PUS7L: variants seen among roughly 807,000 people sequenced by gnomAD.
The protein encoded by PUS7L is pseudouridine synthase 7 like.
In PUS7L, 49 loss-of-function variants were observed where a neutral mutation model predicts 51.1. The ratio of observed to expected loss-of-function variants is 0.96; its 90% CI spans 0.76 to 1.22. The LOEUF (loss-of-function observed/expected upper bound fraction) is 1.22. Among genes scored for constraint, PUS7L ranks in the 50% most tolerant of loss-of-function variants. The pLI, the probability that PUS7L is intolerant of heterozygous loss-of-function variation, is 0.00. For synonymous variants in PUS7L, 277 were observed against 276.2 expected (o/e 1.00, Z -0.03); for missense variants, 828 against 820.6 (o/e 1.01, Z -0.11).
chr12:43,740,713 G>A (rs977319103), intron 5 of PUS7L: 1 of 152,064 alleles, frequency 6.6e-6, no homozygotes, highest in African/African-American at 2.4e-5. Flanking sequence ...TATCAGGGTT[G>A]GTCTCTGTGG....
At chr12:43,757,752 A>C (rs1341744963) in intron 1 of PUS7L, among the ~76,000 whole-genome samples, 1 of 152,234 alleles carries the variant, frequency 6.6e-6, no homozygotes, top group African/African-American at 2.4e-5. Context: ...ATAATGCAAG[A>C]AGTGGCCATC....
At chr12:43,748,784 C>T (rs770197400) in intron 2 of PUS7L, among the ~76,000 whole-genome samples, 175 bp from the exon 3 acceptor site, 3 of 152,082 alleles carry the variant, frequency 2.0e-5, no homozygotes, top group Non-Finnish European at 2.9e-5. Context: ...AGTGCAGTGG[C>T]GCAATCTAGG....
chr12:43,737,962 T>C (rs1565633073), intron 6 of PUS7L: 1 of 197,268 alleles, frequency 5.1e-6, no homozygotes, highest in Non-Finnish European at 1.0e-5. Flanking sequence ...AATGAACTTT[T>C]ATTTATTTGT....
chr12:43,758,372 G>A (rs1278325746), intron 1 of PUS7L: 3 of 985,652 alleles, frequency 3.0e-6, no homozygotes, highest in Non-Finnish European at 3.6e-6. Context: ...ACAGTGGGCG[G>A]GGGAGTAGTT....
chr12:43,757,246 C>G (rs747695356), intron 1 of PUS7L, among the ~76,000 whole-genome samples: 1 of 152,244 alleles, frequency 6.6e-6, no homozygotes, highest in Non-Finnish European at 1.5e-5. Context: ...TCTCGGCTCA[C>G]TGCAACCTCC....
At chr12:43,756,615 G>C (rs900231261) in intron 1 of PUS7L, among the ~76,000 whole-genome samples, 1 of 152,032 alleles carries the variant, frequency 6.6e-6, no homozygotes, top group African/African-American at 2.4e-5. Flanking sequence ...TCAATGTCTT[G>C]GACCCTCAAG....
chr12:43,720,428 G>A lies in PUS7L; in HGVS notation c.*9948C>T, dbSNP rs1944384142. The A allele has an allele frequency of 6.6e-6, 1 of 152,244 alleles. No homozygotes were observed. Among genetic ancestry groups the A allele is most frequent in the Non-Finnish European group, 1.5e-5 (1 of 68,084 alleles). The allele number at this position is 152,244 out of a possible 1,614,324, so 9.4% of individuals were successfully genotyped here. On this transcript the variant is annotated 3_prime_UTR_variant, in exon 9 of 9. Transcript: ENST00000344862. ...GAACCCAAGAGGCAGAGGTTGCAGTGAGCCAAGATCGTGCCACTGCACGGG... is the reference window on the plus strand; with the variant it reads ...GAACCCAAGAGGCAGAGGTTGCAGTAAGCCAAGATCGTGCCACTGCACGGG...
chr12:43,745,811 C>T (rs1037267368), intron 4 of PUS7L, among the ~76,000 whole-genome samples: 1 of 146,408 alleles, frequency 6.8e-6, no homozygotes, highest in Non-Finnish European at 1.5e-5. Flanking sequence ...ACACCATATC[C>T]TGCATTTTTA....
rs769939992 is a variant in PUS7L at position 43,755,027 on chromosome 12, T to C, written c.219A>G (p.Leu73=). Residue 73 remains leucine, a synonymous_variant, in exon 2 of 9, where the codon CTA becomes CTG. Transcript: ENST00000344862. ...EPNNFPKKPK[L]DLQNLSLEDG... ...CTTCTAAGGACAGATTTTGAAGATC[T>C]AGTTTTGGTTTTTTGGGAAAATTAT... is the stretch of plus-strand genomic sequence containing the variant. 3.7e-6 allele frequency: 6 copies of C among 1,613,012 alleles called. No homozygotes were observed. The African/African-American group carries it at 4.0e-5, about 11-fold the overall frequency.
At chr12:43,740,388 G>T (rs548311446) in intron 5 of PUS7L, among the ~76,000 whole-genome samples, 1 of 152,100 alleles carries the variant, frequency 6.6e-6, no homozygotes, top group Non-Finnish European at 1.5e-5. Flanking sequence ...GAGTAAAAGA[G>T]TCATGGTCTC....
rs911087157 is a variant in PUS7L, at chr12:43,722,501, G to T, written c.*7875C>A. On this transcript the variant is annotated 3_prime_UTR_variant, in exon 9 of 9. Coordinates refer to ENST00000344862, the MANE Select transcript of PUS7L (RefSeq NM_031292.5). ...ATAACTGCTTCCCAGATTTGCTATT[G>T]CCTCCTAAATGTGAAAATTATATTA... is the stretch of plus-strand genomic sequence containing the variant. 2.0e-5 allele frequency: 3 copies of T among 152,082 alleles called. No homozygotes were observed. The highest frequency in any genetic ancestry group is 4.8e-5 in the African/African-American group (2 of 41,504). The allele number at this position is 152,082 out of a possible 1,614,324, so 9.4% of individuals were successfully genotyped here. A position where few individuals can be genotyped will look rare whatever the true frequency, so the allele number is the denominator to read the frequency against.
Position 43,731,752 on chromosome 12 carries a change from G to A in PUS7L, c.1732C>T (p.Leu578=). The change falls in exon 8 of 9, where the codon CTG becomes TTG. Residue 578 remains leucine (L), a synonymous_variant. Coordinates refer to ENST00000344862, the MANE Select transcript of PUS7L (RefSeq NM_031292.5). ...DENFPNSKIH[L]VTEEEGSANM... is the part of the protein sequence containing the mutation. The stretch of plus-strand genomic sequence containing the variant: ...GCTGATCCCTCCTCTTCAGTTACCA[G>A]GTGAATCTAGTTTTAAAAAACATGA... 1 of 1,567,354 alleles carries A rather than the reference G, an allele frequency of 6.4e-7. No homozygotes were observed. Among genetic ancestry groups the A allele is most frequent in the Non-Finnish European group, 8.7e-7 (1 of 1,145,052 alleles).
chr12:43,757,061 A>G (rs1339116961), intron 1 of PUS7L, among the ~76,000 whole-genome samples: 1 of 152,218 alleles, frequency 6.6e-6, no homozygotes, highest in Non-Finnish European at 1.5e-5. Context: ...GTTTTGTGCT[A>G]ACTGTTCCTG....
Position 43,731,636 on chromosome 12 carries a change from A to C in PUS7L, c.1779+69T>G, listed in dbSNP as rs1038884282. ...ATAAAAAAGAGGAGGGGAACTAGTT[A>C]ACATTTTGCTTTTTGGGGACAATGT... On this transcript the variant is annotated intron_variant, in intron 8 of 8. Transcript: ENST00000344862. 16 of 774,630 alleles carry C rather than the reference A, an allele frequency of 2.1e-5. 1 individual carries two copies. The highest frequency in any genetic ancestry group is 3.4e-5 in the Non-Finnish European group (16 of 464,402). 48.0% of individuals were successfully genotyped at this position (774,630 alleles called of 1,614,324 possible). A position where few individuals can be genotyped will look rare whatever the true frequency, so the allele number is the denominator to read the frequency against.
chr12:43,738,112 A>G, intron 6 of PUS7L, 198 bp downstream of exon 6: 6 of 502,918 alleles, frequency 1.2e-5, no homozygotes, highest in Non-Finnish European at 1.7e-5. Flanking sequence ...AAGACTTAGC[A>G]TAGACAAAAA....
At chr12:43,750,064 T>G (rs530533850) in intron 2 of PUS7L, among the ~76,000 whole-genome samples, 6 of 152,136 alleles carry the variant, frequency 3.9e-5, no homozygotes, top group African/African-American at 7.2e-5. Flanking sequence ...AAAAATAAAA[T>G]GTGTTCCTTC....
chr12:43,755,827 A>C (rs1366488286), intron 1 of PUS7L, among the ~76,000 whole-genome samples: 1 of 152,208 alleles, frequency 6.6e-6, no homozygotes, highest in African/African-American at 2.4e-5. Flanking sequence ...GCCTTCTCTA[A>C]TGCCCCCATT....
At position 43,727,214 on chromosome 12, in the gene PUS7L, G is replaced by GTTC. The variant is rs1364178520; in HGVS notation, c.*3161_*3162insGAA. On this transcript the variant is annotated 3_prime_UTR_variant, in exon 9 of 9. Coordinates refer to ENST00000344862, the MANE Select transcript of PUS7L (RefSeq NM_031292.5). ...GATGTTGGGGAGGCTGCAGAGAAAA[G>GTTC]GGAATGCTATACACTGCTGATGGGA... 1.3e-5 allele frequency: 2 copies of GTTC among 152,152 alleles called. No homozygotes were observed. Among genetic ancestry groups the GTTC allele is most frequent in the Non-Finnish European group, 2.9e-5 (2 of 68,022 alleles). 9.4% of individuals were successfully genotyped at this position (152,152 alleles called of 1,614,324 possible).
intron 5 of PUS7L, chr12:43,741,191 G>A (rs991600109): frequency 6.6e-6 from 1 of 152,234 alleles, no homozygotes; most frequent in African/African-American, 2.4e-5. Flanking sequence ...TAGCCATCCA[G>A]CTTTTGCTTA....
Sources: allele counts gnomAD v4.1 joint callset (sites outside exome capture counted in the v4.1 genomes callset), GRCh38; gene constraint gnomAD v4.1.1; transcripts MANE v1.5; gene names NCBI Gene and HGNC (gene_info 2026-07-23, HGNC 2026-07-21).